MTUS2: variants seen among roughly 807,000 people sequenced by gnomAD.
MTUS2 encodes microtubule-associated tumor suppressor candidate 2.
Under a neutral mutation model 114.1 loss-of-function variants are expected in MTUS2, and 40 were observed. The observed-to-expected ratio is 0.35, with a 90% CI of 0.27 to 0.46. The LOEUF (loss-of-function observed/expected upper bound fraction) is 0.46. Ranked by LOEUF, MTUS2 falls within the 20% of genes least tolerant of loss-of-function variation. The probability of loss-of-function intolerance (pLI) is 1.00; values close to 1 mark genes in which losing one functional copy is unlikely to be tolerated. For missense variants in MTUS2, 1,679 were observed against 1,705.4 expected (o/e 0.98, Z 0.27); for synonymous variants, 688 against 672.0 (o/e 1.02, Z -0.37).
chr13:29,339,767 G>A (rs1901290449), intron 7 of MTUS2: 1 of 163,524 alleles, frequency 6.1e-6, no homozygotes, highest in Non-Finnish European at 1.3e-5. Flanking sequence ...GAGGGGCCGG[G>A]TGCGGACCCA....
chr13:29,389,288 CAT>C (rs67401154), intron 8 of MTUS2, among the ~76,000 whole-genome samples: 2,747 of 106,894 alleles, frequency 0.026, 102 homozygotes, highest in African/African-American at 0.037. Flanking sequence ...TATGTATACA[CAT>C]ATGTGTGTAT....
At chr13:28,926,350 T>G (rs1052034178) in intron 2 of MTUS2, among the ~76,000 whole-genome samples, 3 of 151,342 alleles carry the variant, frequency 2.0e-5, no homozygotes, top group African/African-American at 7.4e-5. Flanking sequence ...CTTTTCTGGT[T>G]GTTAAATGAG....
intron 1 of MTUS2, among the ~76,000 whole-genome samples, chr13:28,836,626 A>G (rs995641781): frequency 2.6e-5 from 4 of 152,142 alleles, no homozygotes; most frequent in African/African-American, 9.7e-5. Flanking sequence ...AGGGCTTTGC[A>G]AAGAGGAGAG....
chr13:29,047,062 C>A (rs914649838), intron 4 of MTUS2, among the ~76,000 whole-genome samples: 3 of 152,196 alleles, frequency 2.0e-5, no homozygotes, highest in African/African-American at 4.8e-5. Flanking sequence ...GGAGGCACCC[C>A]TCTGCGCAGA....
At chr13:29,195,212 G>A (rs889407119) in intron 5 of MTUS2, among the ~76,000 whole-genome samples, 3 of 150,192 alleles carry the variant, frequency 2.0e-5, no homozygotes, top group Non-Finnish European at 3.0e-5. Flanking sequence ...CCTGCACATT[G>A]TGCACATGTA....
chr13:29,277,973 T>C lies in MTUS2; in HGVS notation c.2645-3731T>C, dbSNP rs375009612. Among the ~76,000 whole-genome samples the C allele has an allele frequency of 3.6e-4, 55 of 152,348 alleles. 1 individual carries two copies. In the East Asian group the frequency reaches 6.9e-3, roughly 19 times the overall value. On this transcript the variant is annotated intron_variant, in intron 5 of 15. Coordinates refer to ENST00000612955, the MANE Select transcript of MTUS2 (RefSeq NM_001033602.4). ...ATTAAACTTTTGCTATGTTAAGTAC[T>C]GAAATTTTGGGGTTGTTTATGGGTC...
At chr13:29,440,884 C>T (rs1333924226) in intron 9 of MTUS2, among the ~76,000 whole-genome samples, 1 of 152,186 alleles carries the variant, frequency 6.6e-6, no homozygotes, top group Admixed American at 6.5e-5. Flanking sequence ...AGGCAGAAGG[C>T]TGAACTTCCC....
At chr13:29,487,879 G>A (rs1881744315) in intron 10 of MTUS2, 21 bp from the exon 11 acceptor site, 1 of 1,586,298 alleles carries the variant, frequency 6.3e-7, no homozygotes, top group East Asian at 2.2e-5. Flanking sequence ...TGTCTAACCA[G>A]TAACTGCGAC....
chr13:29,158,326 C>T (rs1350929183), intron 5 of MTUS2, among the ~76,000 whole-genome samples: 25 of 131,144 alleles, frequency 1.9e-4, no homozygotes, highest in Non-Finnish European at 3.9e-4. Context: ...GGTCATTCCC[C>T]GCCCCCCACC....
intron 5 of MTUS2, among the ~76,000 whole-genome samples, chr13:29,175,911 C>T (rs1927835): frequency 1 from 152,020 of 152,292 alleles, 75,874 homozygotes; most frequent in East Asian, 1. Context: ...CAGAGACAGG[C>T]TGGCCTTGGA....
intron 9 of MTUS2, among the ~76,000 whole-genome samples, chr13:29,458,912 G>A (rs926881255): frequency 6.6e-6 from 1 of 152,370 alleles, no homozygotes; most frequent in Middle Eastern, 3.4e-3. Context: ...GGGTGGCCGT[G>A]CTTCTCTGCT....
At chr13:29,027,791 G>A (rs1301200360) in intron 3 of MTUS2, among the ~76,000 whole-genome samples, 5 of 151,824 alleles carry the variant, frequency 3.3e-5, no homozygotes, top group African/African-American at 9.7e-5. Context: ...CGCCTACCTC[G>A]GCCTCCCAAA....
At chr13:29,037,426 C>G (rs947275753) in intron 4 of MTUS2, among the ~76,000 whole-genome samples, 2 of 117,992 alleles carry the variant, frequency 1.7e-5, no homozygotes, top group East Asian at 3.3e-4. Flanking sequence ...CAACCTTTCT[C>G]TCTGTCTGCC....
At chr13:29,439,051 C>G (rs1487960467) in intron 8 of MTUS2, among the ~76,000 whole-genome samples, 2 of 152,202 alleles carry the variant, frequency 1.3e-5, no homozygotes, top group African/African-American at 4.8e-5. Flanking sequence ...GATACTCATG[C>G]TAGGTATTCG....
intron 2 of MTUS2, among the ~76,000 whole-genome samples, chr13:28,903,562 C>T (rs1248741326): frequency 3.3e-5 from 5 of 151,614 alleles, no homozygotes; most frequent in African/African-American, 1.2e-4. Flanking sequence ...TGGTTTCCAG[C>T]TTCATCCATG....
intron 2 of MTUS2, among the ~76,000 whole-genome samples, chr13:28,846,530 T>TTAG (rs869101626): frequency 1.0e-5 from 1 of 96,614 alleles, no homozygotes; most frequent in East Asian, 2.5e-4. Flanking sequence ...GGAGAAATTA[T>TTAG]CAGGGCAGGT....
At chr13:29,502,716 G>T (rs1882988303) in intron 15 of MTUS2, among the ~76,000 whole-genome samples, 1 of 152,258 alleles carries the variant, frequency 6.6e-6, no homozygotes, top group African/African-American at 2.4e-5. Flanking sequence ...TCAGTCGCTG[G>T]CCTTTGCTCT....
chr13:29,034,081 G>A lies in MTUS2; in HGVS notation c.2402G>A (p.Gly801Glu). Residue 801 changes from glycine (G) to glutamate (E), a missense_variant, in exon 4 of 16, where the codon GGA (glycine) becomes GAA (glutamate). Physicochemically the swap from Gly to Glu is moderately conservative, Grantham distance 98 (BLOSUM62 -2). This residue lies in a region of MTUS2 where 822 missense variants were observed against 899.7 expected (regional missense o/e 0.91). Transcript: ENST00000612955. Reference sequence around the variant, plus strand: ...TCAGCGAGCGCCATCCACCCACCAGGACCCATAACAACAGCCACCAGTCTC... The same window carrying A: ...TCAGCGAGCGCCATCCACCCACCAGAACCCATAACAACAGCCACCAGTCTC... The part of the protein sequence containing the change: ...RSSASAIHPP[G>E]PITTATSLYS... 6.2e-7 allele frequency: 1 copy of A among 1,613,874 alleles called. No individual in the cohort carries two copies. The highest frequency in any genetic ancestry group is 1.6e-4 in the Middle Eastern group (1 of 6,062).
At chr13:28,940,837 A>G (rs962291170) in intron 2 of MTUS2, among the ~76,000 whole-genome samples, 8 of 152,174 alleles carry the variant, frequency 5.3e-5, no homozygotes, top group African/African-American at 1.9e-4. Context: ...TGGTAAGTGT[A>G]TTTAGAGTTC....
Sources: allele counts gnomAD v4.1 joint callset (sites outside exome capture counted in the v4.1 genomes callset), GRCh38; gene constraint gnomAD v4.1.1; regional missense constraint gnomAD v4.1.1; transcripts MANE v1.5; gene names NCBI Gene and HGNC (gene_info 2026-07-23, HGNC 2026-07-21).